RHPN2: variants seen among roughly 807,000 people sequenced by gnomAD.
RHPN2 encodes rhophilin-2.
In RHPN2, 40 loss-of-function variants were observed where a neutral mutation model predicts 79.0. The ratio of observed to expected loss-of-function variants is 0.51; its 90% CI spans 0.39 to 0.66. RHPN2 has a LOEUF of 0.66. Among genes scored for constraint, RHPN2 ranks in the 30% least tolerant of loss-of-function variants. The pLI is 0.00. For synonymous variants in RHPN2, 285 were observed against 363.5 expected, an observed-to-expected ratio of 0.78 and a Z score of 2.46; for missense variants, 686 against 883.5, an observed-to-expected ratio of 0.78 and a Z score of 2.83.
intron 1 of RHPN2, among the ~76,000 whole-genome samples, chr19:33,045,475 A>G (rs562302372): frequency 1.0e-4 from 15 of 150,684 alleles, no homozygotes; most frequent in Non-Finnish European, 2.2e-4. Context: ...CATCAGTGCT[A>G]TCTGATTTTT....
At chr19:33,059,549 C>T (rs1972262726) in intron 1 of RHPN2, among the ~76,000 whole-genome samples, 1 of 152,076 alleles carries the variant, frequency 6.6e-6, no homozygotes, top group African/African-American at 2.4e-5. Flanking sequence ...ATCCGCCTGC[C>T]TCGGCCTCCC....
At chr19:32,986,370 ACGTCTTTTCTGTTT>A (rs997715719) in intron 14 of RHPN2, among the ~76,000 whole-genome samples, 75 of 152,068 alleles carry the variant, frequency 4.9e-4, no homozygotes, top group African/African-American at 1.8e-3. Flanking sequence ...TTTTGGACAA[ACGTCTTTTCTGTTT>A]CTGCTGGGGA....
At chr19:33,012,186 C>CGT (rs1568315779) in intron 5 of RHPN2, among the ~76,000 whole-genome samples, 1 of 151,906 alleles carries the variant, frequency 6.6e-6, no homozygotes, top group African/African-American at 2.4e-5. Flanking sequence ...GGATTACAGG[C>CGT]GTGTAGCACC....
intron 4 of RHPN2, among the ~76,000 whole-genome samples, chr19:33,019,648 C>T (rs1164459668): frequency 6.6e-6 from 1 of 151,818 alleles, no homozygotes; most frequent in African/African-American, 2.4e-5. Context: ...CCTATAGTAC[C>T]AGCTACTCAG....
intron 6 of RHPN2, among the ~76,000 whole-genome samples, chr19:33,009,107 G>A (rs12975292): frequency 6.6e-6 from 1 of 151,768 alleles, no homozygotes; most frequent in Non-Finnish European, 1.5e-5. Flanking sequence ...AGGACTTAGG[G>A]GGAGGGAGGG....
At chr19:33,009,975 C>T (rs1350767766) in intron 6 of RHPN2, among the ~76,000 whole-genome samples, 1 of 151,860 alleles carries the variant, frequency 6.6e-6, no homozygotes, top group Admixed American at 6.6e-5. Flanking sequence ...GACAGGGTTT[C>T]GCCGTGTTGG....
chr19:33,012,709 G>A lies in RHPN2; in HGVS notation c.406C>T (p.His136Tyr), dbSNP rs1408902346. 1.9e-6 allele frequency: 3 copies of A among 1,596,838 alleles called. No individual in the cohort carries two copies. The highest frequency in any genetic ancestry group is 2.6e-6 in the Non-Finnish European group (3 of 1,164,322). Residue 136 changes from histidine (H) to tyrosine (Y), a missense_variant, in exon 5 of 15, where the codon CAT (histidine) becomes TAT (tyrosine). By Grantham distance (83) the His-to-Tyr change is moderately conservative (BLOSUM62 2). Coordinates refer to ENST00000254260, the MANE Select transcript of RHPN2 (RefSeq NM_033103.5). ...TATAAATAGCCATCTTCACTGTAATGTTCCAGGATAAAATCCTTAAAGAAA... is the reference window on the plus strand; with the variant it reads ...TATAAATAGCCATCTTCACTGTAATATTCCAGGATAAAATCCTTAAAGAAA... ...AVVLKDFILE[H>Y]YSEDGYLYED...
At chr19:33,000,804 T>C (rs182948447) in intron 9 of RHPN2, among the ~76,000 whole-genome samples, 1 of 152,274 alleles carries the variant, frequency 6.6e-6, no homozygotes, top group Admixed American at 6.6e-5. Context: ...GATGGAAAAG[T>C]TGAACTCAAA....
At chr19:33,056,041 T>C (rs1009033533) in intron 1 of RHPN2, among the ~76,000 whole-genome samples, 2 of 151,948 alleles carry the variant, frequency 1.3e-5, no homozygotes, top group East Asian at 1.9e-4. Context: ...ATTTTGGGCC[T>C]TTCAATGGCC....
intron 4 of RHPN2, among the ~76,000 whole-genome samples, chr19:33,016,706 A>G (rs538951808): frequency 1.8e-4 from 28 of 152,272 alleles, no homozygotes; most frequent in African/African-American, 5.8e-4. Context: ...ATAAAATAAA[A>G]TAAAACAAAA....
In RHPN2 at chr19:32,993,966, A is replaced by G; in HGVS notation, c.1497+11T>C. 1.3e-6 allele frequency: 2 copies of G among 1,598,698 alleles called. No individual in the cohort carries two copies. Among genetic ancestry groups the G allele is most frequent in the Non-Finnish European group, 1.7e-6 (2 of 1,166,008 alleles). On this transcript the variant is annotated intron_variant, in intron 12 of 14. Transcript: ENST00000254260. ...CTTAGGTCATTTGAATGTAGAGAGC[A>G]TTCAACATACCAGCTTCTGGAAGAA...
intron 12 of RHPN2, 52 bp from the exon 13 acceptor site, chr19:32,992,021 T>C (rs760667793): frequency 2.5e-6 from 4 of 1,609,808 alleles, no homozygotes; most frequent in Non-Finnish European, 3.4e-6. Flanking sequence ...GATCAGACGC[T>C]TGAAAGCTAA....
In RHPN2 at chr19:33,036,116, CA is replaced by C. The variant is rs111475142; in HGVS notation, c.185+8132del. On this transcript the variant is annotated intron_variant, in intron 2 of 14. Transcript: ENST00000254260. Reference sequence around the variant, plus strand: ...TGGGTGAAAGAGCCAGACTCCATCTCAAAAAAAAAAAAATTAAAAAAAAAGA... The same window carrying C: ...TGGGTGAAAGAGCCAGACTCCATCTCAAAAAAAAAAAATTAAAAAAAAAGA... Among the ~76,000 whole-genome samples, 582 of 93,172 alleles carry C rather than the reference CA, an allele frequency of 6.2e-3. 2 individuals carry two copies. The highest frequency in any genetic ancestry group is 0.018 in the African/African-American group (474 of 25,960). 61.1% of individuals were successfully genotyped at this position (93,172 alleles called of 152,430 possible). A position where few individuals can be genotyped will look rare whatever the true frequency, so the allele number is the denominator to read the frequency against.
intron 4 of RHPN2, among the ~76,000 whole-genome samples, chr19:33,013,512 T>C (rs1343062531): frequency 1.3e-5 from 2 of 152,156 alleles, no homozygotes; most frequent in African/African-American, 4.8e-5. Flanking sequence ...TTTTAAATGT[T>C]GTGCTGCTTC....
At chr19:33,014,605 T>C (rs947881489) in intron 4 of RHPN2, among the ~76,000 whole-genome samples, 1 of 150,854 alleles carries the variant, frequency 6.6e-6, no homozygotes, top group Non-Finnish European at 1.5e-5. Context: ...TGCACCCAGC[T>C]GACTATGCCT....
intron 3 of RHPN2, among the ~76,000 whole-genome samples, chr19:33,022,870 A>G (rs1472695896): frequency 1.3e-5 from 2 of 152,136 alleles, no homozygotes; most frequent in African/African-American, 4.8e-5. Flanking sequence ...GGGGGCATGG[A>G]AAGCCGGATC....
intron 6 of RHPN2, among the ~76,000 whole-genome samples, chr19:33,011,118 C>A (rs1971832252): frequency 6.6e-6 from 1 of 152,094 alleles, no homozygotes; most frequent in Non-Finnish European, 1.5e-5. Context: ...TTTTTTAAAT[C>A]TGATCTAAGC....
At chr19:33,064,204 C>A (rs918177624) in intron 1 of RHPN2, among the ~76,000 whole-genome samples, 1 of 152,168 alleles carries the variant, frequency 6.6e-6, no homozygotes. Context: ...GGCGAGGTGG[C>A]GCGCCTGCAG....
In RHPN2 at chr19:32,980,036, G is replaced by A. The variant is rs1249941976; in HGVS notation, c.2021C>T (p.Ser674Phe). The A allele has an allele frequency of 6.2e-7, 1 of 1,613,960 alleles. No homozygotes were observed. Among genetic ancestry groups the A allele is most frequent in the East Asian group, 2.2e-5 (1 of 44,868 alleles). Residue 674 changes from serine (S) to phenylalanine (F), a missense_variant, in exon 15 of 15, where the codon TCC (serine) becomes TTC (phenylalanine). Coordinates refer to ENST00000254260, the MANE Select transcript of RHPN2 (RefSeq NM_033103.5). ...ARPQVKKKLP[S>F]PFSLLNSDSS... ...GTCTGAGTTGAGAAGGCTGAAAGGG[G>A]AGGGCAGCTTCTTCTTGACCTGAGG... is the stretch of plus-strand genomic sequence containing the variant.
Sources: gnomAD v4.1 joint callset for allele counts (sites outside exome capture counted in the v4.1 genomes callset) on GRCh38, gnomAD v4.1.1 for gene constraint, MANE v1.5 for transcripts, NCBI Gene and HGNC (gene_info 2026-07-23, HGNC 2026-07-21) for gene names.